Variants in ASPH observed in about 807,000 individuals in gnomAD.
ASPH encodes the protein aspartyl/asparaginyl beta-hydroxylase.
Under a neutral mutation model 118.4 loss-of-function variants are expected in ASPH, and 100 were observed. The observed-to-expected ratio is 0.84, with a 90% CI of 0.72 to 1.00. The LOEUF (loss-of-function observed/expected upper bound fraction) is 1.00, where lower values mean the gene tolerates loss of function less well. Among genes scored for constraint, ASPH ranks in the 50% least tolerant of loss-of-function variants. ASPH has a pLI of 0.00. For synonymous variants in ASPH, 315 were observed against 325.6 expected (o/e 0.97, Z 0.35); for missense variants, 920 against 919.5 (o/e 1.00, Z -0.01).
At chr8:61,570,807 A>G (rs1465640226) in intron 16 of ASPH, among the ~76,000 whole-genome samples, 2 of 152,288 alleles carry the variant, frequency 1.3e-5, no homozygotes, top group East Asian at 1.9e-4. Context: ...CACCCAACCA[A>G]TCTTCCTATG....
At chr8:61,630,593 G>C (rs993583461) in intron 13 of ASPH, among the ~76,000 whole-genome samples, 1 of 152,114 alleles carries the variant, frequency 6.6e-6, no homozygotes, top group Admixed American at 6.6e-5. Context: ...AATTCCTATT[G>C]TCTAGATGCA....
rs922198056 is a variant in ASPH, at chr8:61,625,357, G to A, written c.935-6338C>T. The stretch of plus-strand genomic sequence containing the variant: ...CTCAAGGCGTTACTGAGTTCATCTA[G>A]TAAGAGCACTGAGCGGTCTCTAGTG... On this transcript the variant is annotated intron_variant, in intron 13 of 24. Transcript: ENST00000379454. 7 of 985,684 alleles carry A rather than the reference G, an allele frequency of 7.1e-6. No individual in the cohort carries two copies. In the Admixed American group the frequency reaches 2.5e-4, roughly 35 times the overall value. The allele number at this position is 985,684 out of a possible 1,614,324, so 61.1% of individuals were successfully genotyped here. A position where few individuals can be genotyped will look rare whatever the true frequency, so the allele number is the denominator to read the frequency against.
intron 21 of ASPH, among the ~76,000 whole-genome samples, chr8:61,546,293 T>C (rs1195079681): frequency 6.6e-6 from 1 of 152,200 alleles, no homozygotes; most frequent in African/African-American, 2.4e-5. Context: ...ACATTTCTTG[T>C]TGTTTAAGCC....
rs557585872 is a variant in ASPH at position 61,616,271 on chromosome 8, T to C, written c.976+2707A>G. Among the ~76,000 whole-genome samples the C allele has an allele frequency of 4.3e-4, 66 of 152,252 alleles. No homozygotes were observed. In the South Asian group the frequency reaches 0.013, roughly 30 times the overall value. ...GGAGGTCAGACCTGTGCACCGAGGA[T>C]ACCCGACAGTGCAGGGGAAGGTACG... On this transcript the variant is annotated intron_variant, in intron 14 of 24. Transcript: ENST00000379454.
intron 3 of ASPH, chr8:61,676,162 G>A (rs370427136): frequency 3.8e-5 from 61 of 1,599,098 alleles, no homozygotes; most frequent in Admixed American, 1.0e-4. Context: ...CTGCGGTTTC[G>A]CTTTCTTCTT....
chr8:61,645,755 A>T (rs7816208), intron 6 of ASPH, among the ~76,000 whole-genome samples: 27,791 of 152,270 alleles, frequency 0.18, 2,677 homozygotes, highest in South Asian at 0.35. Flanking sequence ...CCTGTTCTAA[A>T]CAATAGGCAT....
Position 61,556,458 on chromosome 8 carries a change from A to C in ASPH, c.1438-436T>G, listed in dbSNP as rs182741050. On this transcript the variant is annotated intron_variant, in intron 18 of 24. Transcript: ENST00000379454. Reference sequence around the variant, plus strand: ...TATACAAGCTTTATACATTGCCTTAATTAAGAGAAAATTTAGATTTGCATT... The same window carrying C: ...TATACAAGCTTTATACATTGCCTTACTTAAGAGAAAATTTAGATTTGCATT... 1.1e-3 allele frequency among the ~76,000 whole-genome samples: 162 copies of C among 152,338 alleles called. 1 individual carries two copies. Among genetic ancestry groups the C allele is most frequent in the African/African-American group, 3.3e-3 (137 of 41,578 alleles).
intron 1 of ASPH, among the ~76,000 whole-genome samples, chr8:61,699,273 T>C (rs1834682100): frequency 6.6e-6 from 1 of 152,252 alleles, no homozygotes; most frequent in African/African-American, 2.4e-5. Flanking sequence ...TTTTCCTACA[T>C]ACAGATCAGT....
At chr8:61,573,854 C>G (rs909608213) in intron 16 of ASPH, among the ~76,000 whole-genome samples, 1 of 152,086 alleles carries the variant, frequency 6.6e-6, no homozygotes. Context: ...CAAATAGGAT[C>G]GAATTAAACT....
chr8:61,587,460 A>C (rs548010148), intron 14 of ASPH, among the ~76,000 whole-genome samples: 1 of 152,242 alleles, frequency 6.6e-6, no homozygotes, highest in Non-Finnish European at 1.5e-5. Flanking sequence ...GCAGCTGAGT[A>C]GACAGTTTCA....
At chr8:61,562,184 C>T (rs1830168213) in intron 18 of ASPH, among the ~76,000 whole-genome samples, 1 of 152,064 alleles carries the variant, frequency 6.6e-6, no homozygotes, top group Non-Finnish European at 1.5e-5. Flanking sequence ...TCTAGATTTT[C>T]TAGTTACTTG....
In ASPH at chr8:61,500,905, C is replaced by T. The variant is rs926628163; in HGVS notation, c.*2454G>A. On this transcript the variant is annotated 3_prime_UTR_variant, in exon 25 of 25. Transcript: ENST00000379454. ...AGATTATTCAACTGGTCATAATCACCCCTGATAATATTATTACTAATCTTA... is the reference window on the plus strand; with the variant it reads ...AGATTATTCAACTGGTCATAATCACTCCTGATAATATTATTACTAATCTTA... 3 of 151,842 alleles carry T rather than the reference C, an allele frequency of 2.0e-5. No individual in the cohort carries two copies. The highest frequency in any genetic ancestry group is 2.0e-4 in the Admixed American group (3 of 15,248). 9.4% of individuals were successfully genotyped at this position (151,842 alleles called of 1,614,324 possible).
At chr8:61,694,762 T>C (rs921410525) in intron 1 of ASPH, among the ~76,000 whole-genome samples, 1 of 152,292 alleles carries the variant, frequency 6.6e-6, no homozygotes, top group Middle Eastern at 3.4e-3. Flanking sequence ...TGACTTACCT[T>C]TTTCTCTCCT....
intron 22 of ASPH, among the ~76,000 whole-genome samples, chr8:61,521,002 T>G (rs972278077): frequency 5.3e-5 from 8 of 152,218 alleles, no homozygotes; most frequent in Non-Finnish European, 1.2e-4. Context: ...TGGGCATTCA[T>G]GCACTGTCAC....
At chr8:61,626,422 T>A in intron 13 of ASPH, 1 of 1,205,672 alleles carries the variant, frequency 8.3e-7, no homozygotes, top group Non-Finnish European at 1.1e-6. Context: ...GACAACTTGG[T>A]AACAGAATAA....
Position 61,625,932 on chromosome 8 carries a change from C to T in ASPH, c.935-6913G>A, listed in dbSNP as rs188133166. On this transcript the variant is annotated intron_variant, in intron 13 of 24. Coordinates refer to ENST00000379454, the MANE Select transcript of ASPH (RefSeq NM_004318.4). ...GCCAACACAATTGCTGCTACATCAC[C>T]AATATAATTATTAACCACTGTCGGA... is the stretch of plus-strand genomic sequence containing the variant. The T allele has an allele frequency of 1.7e-5, 18 of 1,082,766 alleles. No homozygotes were observed. In the East Asian group the frequency reaches 9.3e-4, roughly 56 times the overall value. The allele number at this position is 1,082,766 out of a possible 1,614,324, so 67.1% of individuals were successfully genotyped here.
intron 17 of ASPH, among the ~76,000 whole-genome samples, chr8:61,564,625 G>A (rs779322217): frequency 5.3e-5 from 8 of 152,196 alleles, no homozygotes; most frequent in East Asian, 1.9e-4. Flanking sequence ...CGTCCATGGC[G>A]AGTGCCCGCA....
chr8:61,608,974 A>G (rs1846438700), intron 14 of ASPH, among the ~76,000 whole-genome samples: 2 of 152,176 alleles, frequency 1.3e-5, no homozygotes, highest in South Asian at 4.1e-4. Flanking sequence ...CCTAAGGAGA[A>G]CCTAGTTTTG....
intron 14 of ASPH, among the ~76,000 whole-genome samples, chr8:61,603,011 G>T (rs1389984342): frequency 6.6e-6 from 1 of 151,748 alleles, no homozygotes; most frequent in Non-Finnish European, 1.5e-5. Flanking sequence ...TGGCCAACAT[G>T]GTGAAACCCC....
Sources: allele counts gnomAD v4.1 joint callset (sites outside exome capture counted in the v4.1 genomes callset), GRCh38; gene constraint gnomAD v4.1.1; transcripts MANE v1.5; gene names NCBI Gene and HGNC (gene_info 2026-07-23, HGNC 2026-07-21).